The following ITPR1 variants were observed in gnomAD, a reference collection of about 807,000 sequenced individuals.
ITPR1 encodes inositol 1,4,5-trisphosphate receptor type 1.
In ITPR1, 96 loss-of-function variants were observed where a neutral mutation model predicts 318.4. The ratio of observed to expected loss-of-function variants is 0.30; its 90% CI spans 0.26 to 0.36. The LOEUF is 0.36. Ranked by LOEUF, ITPR1 falls within the 10% of genes least tolerant of loss-of-function variation. The pLI is 1.00. For synonymous variants in ITPR1, 1,312 were observed against 1,289.9 expected, an observed-to-expected ratio of 1.02 and a Z score of -0.37; for missense variants, 2,440 against 3,460.2, an observed-to-expected ratio of 0.71 and a Z score of 7.40.
chr3:4,634,644 T>C (rs1388264594), intron 5 of ITPR1, among the ~76,000 whole-genome samples: 3 of 152,216 alleles, frequency 2.0e-5, no homozygotes, highest in Non-Finnish European at 4.4e-5. Flanking sequence ...ATGTGATTCG[T>C]AAATTGTGTT....
chr3:4,619,045 C>G (rs1345467316), intron 4 of ITPR1, among the ~76,000 whole-genome samples: 1 of 152,168 alleles, frequency 6.6e-6, no homozygotes, highest in Non-Finnish European at 1.5e-5. Flanking sequence ...GTTCAGAATT[C>G]TAGATTGAGA....
Position 4,814,437 on chromosome 3 carries a change from G to A in ITPR1, c.7576G>A (p.Glu2526Lys), listed in dbSNP as rs751000499. ...CGTGTTCACAGAGCTGGTCCCTGCA[G>A]AAGAGACGGAACAGGATAAAGAGCA... is the stretch of plus-strand genomic sequence containing the variant. ...PAPREELVPA[E>K]ETEQDKEHTC... Residue 2526 changes from glutamate to lysine, a missense_variant, in exon 58 of 62, where the codon GAA becomes AAA. Physicochemically the swap from Glu to Lys is moderately conservative, Grantham distance 56. Coordinates refer to ENST00000649015, the MANE Select transcript of ITPR1 (RefSeq NM_001378452.1). The A allele has an allele frequency of 6.2e-7, 1 of 1,614,014 alleles. No individual in the cohort carries two copies. Among genetic ancestry groups the A allele is most frequent in the Non-Finnish European group, 8.5e-7 (1 of 1,179,902 alleles).
At chr3:4,679,025 G>T (rs960115383) in intron 24 of ITPR1, among the ~76,000 whole-genome samples, 4 of 152,176 alleles carry the variant, frequency 2.6e-5, no homozygotes, top group Admixed American at 1.3e-4. Flanking sequence ...GGTGAATTTG[G>T]TTCTGTAAAT....
rs911843381 is a variant in ITPR1, at chr3:4,685,619, G to A, written c.3702+413G>A. Among the ~76,000 whole-genome samples the A allele has an allele frequency of 2.6e-4, 39 of 152,216 alleles. 1 individual carries two copies. On this transcript the variant is annotated intron_variant, in intron 30 of 61. Transcript: ENST00000649015. The stretch of plus-strand genomic sequence containing the variant: ...AACATGGGATGTGCCCACTTTTGAA[G>A]TCCTCAGTAAGACGCTGACATCTGC...
At chr3:4,708,866 A>G (rs1280686146) in intron 37 of ITPR1, among the ~76,000 whole-genome samples, 1 of 152,230 alleles carries the variant, frequency 6.6e-6, no homozygotes, top group Non-Finnish European at 1.5e-5. Flanking sequence ...ATCCCCATCT[A>G]GACATCCTTC....
At position 4,670,716 on chromosome 3, in the gene ITPR1, T is replaced by G; in HGVS notation, c.2007-13T>G. Reference sequence around the variant, plus strand: ...AAAAATAGTAACTTTTCCCTCCTCCTCTTGTTTTCTAGGTTGGTTCTTTCT... The same window carrying G: ...AAAAATAGTAACTTTTCCCTCCTCCGCTTGTTTTCTAGGTTGGTTCTTTCT... On this transcript the variant is annotated splice_polypyrimidine_tract_variant and intron_variant, in intron 19 of 61. Transcript: ENST00000649015. The G allele has an allele frequency of 6.5e-7, 1 of 1,548,714 alleles. No homozygotes were observed. Among genetic ancestry groups the G allele is most frequent in the Non-Finnish European group, 8.8e-7 (1 of 1,136,808 alleles).
intron 4 of ITPR1, among the ~76,000 whole-genome samples, chr3:4,617,955 A>G (rs2092451806): frequency 6.6e-6 from 1 of 151,546 alleles, no homozygotes; most frequent in African/African-American, 2.4e-5. Flanking sequence ...ACTGAACTCC[A>G]GCCTGGGCAA....
intron 45 of ITPR1, among the ~76,000 whole-genome samples, chr3:4,767,413 C>T (rs2045889796): frequency 6.6e-6 from 1 of 152,238 alleles, no homozygotes; most frequent in East Asian, 1.9e-4. Flanking sequence ...GCAAAATCAC[C>T]CCTGGCTGAG....
Position 4,674,042 on chromosome 3 carries a change from A to G in ITPR1, c.2457-160A>G, listed in dbSNP as rs962063527. Among the ~76,000 whole-genome samples the G allele has an allele frequency of 7.2e-5, 11 of 152,226 alleles. No individual in the cohort carries two copies. In the South Asian group the frequency reaches 1.4e-3, roughly 20 times the overall value. ...GACAATAGGCAAGATAAACGACTCA[A>G]ATATATAGTTGGTGATATATGCTAA... On this transcript the variant is annotated intron_variant, in intron 21 of 61. Coordinates refer to ENST00000649015, the MANE Select transcript of ITPR1 (RefSeq NM_001378452.1).
chr3:4,712,612 A>T (rs966591944), intron 39 of ITPR1, among the ~76,000 whole-genome samples: 2 of 152,232 alleles, frequency 1.3e-5, no homozygotes, highest in Admixed American at 1.3e-4. Flanking sequence ...GATATCACTG[A>T]CTTATCAAAA....
At chr3:4,760,846 G>T (rs770578631) in intron 44 of ITPR1, among the ~76,000 whole-genome samples, 2 of 152,048 alleles carry the variant, frequency 1.3e-5, no homozygotes, top group Non-Finnish European at 2.9e-5. Flanking sequence ...AATTATGTTG[G>T]GCCCACCCGG....
chr3:4,695,366 G>A (rs2094541198), intron 33 of ITPR1, among the ~76,000 whole-genome samples: 2 of 152,190 alleles, frequency 1.3e-5, no homozygotes, highest in African/African-American at 2.4e-5. Flanking sequence ...GAAGCGTCGT[G>A]TTATAACAAG....
Position 4,673,501 on chromosome 3 carries a change from C to T in ITPR1, c.2456+114C>T. 3 of 1,122,156 alleles carry T rather than the reference C, an allele frequency of 2.7e-6. No homozygotes were observed. The Admixed American group carries it at 8.0e-5, about 30-fold the overall frequency. 69.5% of individuals were successfully genotyped at this position (1,122,156 alleles called of 1,614,324 possible). ...ATGAAGTGTTGGTTTTTTCTTCAAG[C>T]TTAAAATAAAATTAAGTGGATGGCA... On this transcript the variant is annotated intron_variant, in intron 21 of 61. Transcript: ENST00000649015.
At chr3:4,701,048 G>A (rs912007434) in intron 35 of ITPR1, among the ~76,000 whole-genome samples, 1 of 152,138 alleles carries the variant, frequency 6.6e-6, no homozygotes, top group Admixed American at 6.5e-5. Flanking sequence ...GTTTGGATAG[G>A]GACACAGTCA....
Position 4,635,535 on chromosome 3 carries a change from C to T in ITPR1, c.280-3849C>T, listed in dbSNP as rs190522374. The stretch of plus-strand genomic sequence containing the variant: ...TTTTGTATTTTTTTTTTAGTAGAGA[C>T]GGGGTTTCCCTGTGTTAGCCAGGAT... On this transcript the variant is annotated intron_variant, in intron 5 of 61. Transcript: ENST00000649015. Among the ~76,000 whole-genome samples, 648 of 151,660 alleles carry T rather than the reference C, an allele frequency of 4.3e-3. 20 individuals carry two copies. Among genetic ancestry groups the T allele is most frequent in the Non-Finnish European group, 1.3e-3 (87 of 67,900 alleles).
chr3:4,739,991 G>C (rs532051230), intron 44 of ITPR1, among the ~76,000 whole-genome samples: 1 of 152,312 alleles, frequency 6.6e-6, no homozygotes, highest in Admixed American at 6.5e-5. Flanking sequence ...GGAAGTGGAA[G>C]CTACTAGCCT....
At chr3:4,665,482 C>T (rs1013572435) in intron 17 of ITPR1, among the ~76,000 whole-genome samples, 186 bp downstream of exon 17, 5 of 152,174 alleles carry the variant, frequency 3.3e-5, no homozygotes, top group South Asian at 2.1e-4. Flanking sequence ...CGTTAAGAAA[C>T]GTACTGGAGA....
At chr3:4,737,657 G>A (rs564743281) in intron 44 of ITPR1, among the ~76,000 whole-genome samples, 64 of 152,342 alleles carry the variant, frequency 4.2e-4, no homozygotes, top group African/African-American at 1.5e-3. Context: ...TAGAGGACAG[G>A]TAAACTGAGG....
intron 2 of ITPR1, among the ~76,000 whole-genome samples, chr3:4,503,988 G>C (rs304027): frequency 0.92 from 139,148 of 152,048 alleles, 63,736 homozygotes; most frequent in East Asian, 1. Context: ...CTATCTTTGG[G>C]CACTCATCAG....
Sources: gnomAD v4.1 joint callset for allele counts (sites outside exome capture counted in the v4.1 genomes callset) on GRCh38, gnomAD v4.1.1 for gene constraint, MANE v1.5 for transcripts, NCBI Gene and HGNC (gene_info 2026-07-23, HGNC 2026-07-21) for gene names.